IL12RB2: variants seen among roughly 807,000 people sequenced by gnomAD.
IL12RB2 encodes interleukin 12 receptor subunit beta 2.
Under a neutral mutation model 89.4 loss-of-function variants are expected in IL12RB2, and 82 were observed. That is an observed-to-expected ratio of 0.92 (90% CI 0.77 to 1.10). The LOEUF is 1.10. Among genes scored for constraint, IL12RB2 ranks in the 50% least tolerant of loss-of-function variants. The pLI, the probability that IL12RB2 is intolerant of heterozygous loss-of-function variation, is 0.00. For synonymous variants in IL12RB2, 368 were observed against 370.1 expected, an observed-to-expected ratio of 0.99 and a Z score of 0.07; for missense variants, 963 against 1,031.9, an observed-to-expected ratio of 0.93 and a Z score of 0.92.
intron 9 of IL12RB2, among the ~76,000 whole-genome samples, 194 bp from the exon 10 acceptor site, chr1:67,350,675 AT>A (rs1187422554): frequency 6.6e-6 from 1 of 152,198 alleles, no homozygotes; most frequent in East Asian, 1.9e-4. Flanking sequence ...ACGTTAACTG[AT>A]TTTTTATTTC....
intron 2 of IL12RB2, among the ~76,000 whole-genome samples, chr1:67,315,768 T>C (rs746415908): frequency 5.9e-5 from 9 of 152,248 alleles, no homozygotes; most frequent in Non-Finnish European, 1.0e-4. Flanking sequence ...CAAAATTCTC[T>C]TGGTCTCAAT....
chr1:67,392,623 CTTTTTTTTTT>C (rs527587132), intron 16 of IL12RB2, among the ~76,000 whole-genome samples: 1 of 84,250 alleles, frequency 1.2e-5, no homozygotes, highest in Non-Finnish European at 2.1e-5. Context: ...TTTTAGATAT[CTTTTTTTTTT>C]TTTTTTTTTT....
At chr1:67,375,076 A>C (rs1663816235) in intron 13 of IL12RB2, among the ~76,000 whole-genome samples, 1 of 152,082 alleles carries the variant, frequency 6.6e-6, no homozygotes, top group Non-Finnish European at 1.5e-5. Flanking sequence ...CAACAAGCTC[A>C]CAGTCTATGA....
chr1:67,358,019 G>A (rs775610648), intron 10 of IL12RB2, among the ~76,000 whole-genome samples: 51 of 151,880 alleles, frequency 3.4e-4, no homozygotes, highest in Non-Finnish European at 6.2e-4. Flanking sequence ...ATTTCAAGTG[G>A]AAAGGCCTCA....
At chr1:67,385,943 G>A (rs1255404465) in intron 14 of IL12RB2, among the ~76,000 whole-genome samples, 1 of 152,148 alleles carries the variant, frequency 6.6e-6, no homozygotes, top group East Asian at 1.9e-4. Context: ...GGGCACGGTG[G>A]CTCACGCCTG....
intron 9 of IL12RB2, among the ~76,000 whole-genome samples, chr1:67,343,866 G>T (rs1659932053): frequency 6.6e-6 from 1 of 152,208 alleles, no homozygotes; most frequent in Non-Finnish European, 1.5e-5. Flanking sequence ...GTCTGGAAGA[G>T]AAATATTCAT....
chr1:67,351,001 C>T lies in IL12RB2; in HGVS notation c.1170C>T (p.Thr390=), dbSNP rs780315530. 28 of 1,613,962 alleles carry T rather than the reference C, an allele frequency of 1.7e-5. No individual in the cohort carries two copies. The highest frequency in any genetic ancestry group is 1.0e-4 in the Admixed American group (6 of 59,996). ...CCTGGACCACAGTCATTCCTAGAAC[C>T]GGAAATTGGGCTGTGGCTGTGTCTG... is the stretch of plus-strand genomic sequence containing the variant. ...HTSWTTVIPR[T]GNWAVAVSAA... is the part of the protein sequence containing the mutation. Residue 390 remains threonine (T), a synonymous_variant, in exon 10 of 17, where the codon ACC becomes ACT. Coordinates refer to ENST00000674203, the MANE Select transcript of IL12RB2 (RefSeq NM_001374259.2).
At chr1:67,357,260 C>T (rs949821503) in intron 10 of IL12RB2, among the ~76,000 whole-genome samples, 1 of 152,086 alleles carries the variant, frequency 6.6e-6, no homozygotes, top group African/African-American at 2.4e-5. Context: ...CACCTGTAAT[C>T]CCAGCTACTC....
chr1:67,348,447 CCTT>C (rs1263448922), intron 9 of IL12RB2, among the ~76,000 whole-genome samples: 1 of 152,162 alleles, frequency 6.6e-6, no homozygotes, highest in Non-Finnish European at 1.5e-5. Flanking sequence ...TCTGCGCCTA[CCTT>C]CTTCATCTGT....
intron 11 of IL12RB2, among the ~76,000 whole-genome samples, chr1:67,370,341 C>A (rs77397993): frequency 1.1e-3 from 165 of 152,228 alleles, no homozygotes; most frequent in African/African-American, 3.9e-3. Flanking sequence ...GAGACCAGTC[C>A]TGTCCTGTCC....
intron 9 of IL12RB2, among the ~76,000 whole-genome samples, chr1:67,349,405 T>G (rs1001233890): frequency 6.6e-6 from 1 of 152,188 alleles, no homozygotes; most frequent in African/African-American, 2.4e-5. Flanking sequence ...GAGGGGATGG[T>G]CTTCCCTTGC....
intron 8 of IL12RB2, among the ~76,000 whole-genome samples, chr1:67,333,140 G>T (rs1174098962): frequency 2.6e-5 from 4 of 152,088 alleles, no homozygotes; most frequent in Non-Finnish European, 4.4e-5. Flanking sequence ...AGCTCTGTTG[G>T]CTTCCTTTCT....
intron 14 of IL12RB2, among the ~76,000 whole-genome samples, chr1:67,382,881 A>C (rs1485000730): frequency 2.6e-5 from 4 of 151,834 alleles, no homozygotes; most frequent in Non-Finnish European, 4.4e-5. Context: ...AATCAACTCT[A>C]AACTTTTGAC....
At chr1:67,373,359 C>A (rs1663581789) in intron 13 of IL12RB2, among the ~76,000 whole-genome samples, 2 of 152,354 alleles carry the variant, frequency 1.3e-5, no homozygotes, top group South Asian at 4.1e-4. Flanking sequence ...ATTTGCCTAC[C>A]TCGGCCTCCC....
intron 11 of IL12RB2, 133 bp downstream of exon 11, chr1:67,368,158 C>A: frequency 4.3e-6 from 3 of 703,776 alleles, no homozygotes; most frequent in Non-Finnish European, 7.7e-6. Context: ...GACCTAGAGT[C>A]CACCCAGCAG....
At position 67,321,592 on chromosome 1, in the gene IL12RB2, C is replaced by G. The variant is rs1558298534; in HGVS notation, c.77-10C>G. 3.9e-6 allele frequency: 6 copies of G among 1,557,366 alleles called. No individual in the cohort carries two copies. Among genetic ancestry groups the G allele is most frequent in the Non-Finnish European group, 5.3e-6 (6 of 1,128,754 alleles). ...CACCAACTAAATATTGCATCTGTAT[C>G]TTATTGCAGATGCGTGCAAGAGAGG... is the stretch of plus-strand genomic sequence containing the variant. On this transcript the variant is annotated splice_polypyrimidine_tract_variant and intron_variant, in intron 3 of 16. Transcript: ENST00000674203.
intron 16 of IL12RB2, among the ~76,000 whole-genome samples, chr1:67,392,467 C>T (rs890430723): frequency 1.3e-5 from 2 of 152,078 alleles, no homozygotes; most frequent in Admixed American, 1.3e-4. Flanking sequence ...GGCGATTTTA[C>T]ACACACTCAT....
At chr1:67,360,730 A>C (rs1377511106) in intron 10 of IL12RB2, among the ~76,000 whole-genome samples, 1 of 151,626 alleles carries the variant, frequency 6.6e-6, no homozygotes, top group Non-Finnish European at 1.5e-5. Flanking sequence ...CAGGAGGCAG[A>C]GGTTGCAGTG....
At chr1:67,356,458 T>C (rs1249973701) in intron 10 of IL12RB2, among the ~76,000 whole-genome samples, 3 of 152,206 alleles carry the variant, frequency 2.0e-5, no homozygotes, top group Non-Finnish European at 4.4e-5. Context: ...GCCTGTGAGC[T>C]GGCTGACCCT....
Sources: allele counts gnomAD v4.1 joint callset (sites outside exome capture counted in the v4.1 genomes callset), GRCh38; gene constraint gnomAD v4.1.1; transcripts MANE v1.5; gene names NCBI Gene and HGNC (gene_info 2026-07-23, HGNC 2026-07-21).